Variants in UGT1A7 observed in about 807,000 individuals in gnomAD.
UGT1A7 encodes UDP-glucuronosyltransferase 1A7.
A neutral mutation model predicts 45.6 loss-of-function variants in UGT1A7; 33 were observed. The ratio of observed to expected loss-of-function variants is 0.72; its 90% CI spans 0.55 to 0.97. The LOEUF is 0.97. UGT1A7 is among the 50% of genes least tolerant of loss of function. The probability of loss-of-function intolerance (pLI) is 0.00; values close to 1 mark genes in which losing one functional copy is unlikely to be tolerated. For synonymous variants in UGT1A7, 274 were observed against 250.6 expected (o/e 1.09, Z -0.88); for missense variants, 684 against 666.2 (o/e 1.03, Z -0.29).
rs770529421 is a variant in UGT1A7, at chr2:233,682,444, C to T, written c.507C>T (p.Ala169=). Residue 169 remains alanine (A), a synonymous_variant, in exon 1 of 5, where the codon GCC becomes GCT. Transcript: ENST00000373426. ...TCTCCCTCCCCTCTGTGGTCTTCGC[C>T]AGGGGAATATTTTGCCACTATCTTG... ...KYFSLPSVVF[A]RGIFCHYLEE... is the part of the protein sequence containing the mutation. 4 of 1,613,736 alleles carry T rather than the reference C, an allele frequency of 2.5e-6. No homozygotes were observed. Among genetic ancestry groups the T allele is most frequent in the Non-Finnish European group, 3.4e-6 (4 of 1,179,866 alleles).
rs766714471 is a variant in UGT1A7 at position 233,754,631 on chromosome 2, T to C, written c.856-12403T>C. On this transcript the variant is annotated intron_variant, in intron 1 of 4. Coordinates refer to ENST00000373426, the MANE Select transcript of UGT1A7 (RefSeq NM_019077.3). ...CTCCATCTTCCTCCACTTCCACCCT[T>C]TCTTGGCCATTCTCAATGATTCTCT... The C allele has an allele frequency of 1.3e-4, 58 of 444,366 alleles. 1 individual carries two copies. Among genetic ancestry groups the C allele is most frequent in the South Asian group, 8.9e-4 (56 of 63,060 alleles). The allele number at this position is 444,366 out of a possible 1,614,324, so 27.5% of individuals were successfully genotyped here.
intron 1 of UGT1A7, among the ~76,000 whole-genome samples, chr2:233,720,042 G>T (rs1048137470): frequency 2.0e-5 from 3 of 152,186 alleles, no homozygotes; most frequent in African/African-American, 7.2e-5. Flanking sequence ...CTGATTTTCA[G>T]CTGAACGGTG....
chr2:233,746,165 A>G (rs530256545), intron 1 of UGT1A7, among the ~76,000 whole-genome samples: 2 of 151,990 alleles, frequency 1.3e-5, no homozygotes, highest in South Asian at 4.2e-4. Context: ...CAAAGCCAAA[A>G]TCTTGCCTGT....
chr2:233,747,785 C>T, intron 1 of UGT1A7: 1 of 1,613,494 alleles, frequency 6.2e-7, no homozygotes, highest in Non-Finnish European at 8.5e-7. Context: ...CAAATCCTTC[C>T]TCCTATATTC....
intron 1 of UGT1A7, chr2:233,713,807 C>G: frequency 3.1e-6 from 5 of 1,614,092 alleles, no homozygotes; most frequent in Non-Finnish European, 4.2e-6. Context: ...TCATGCCCAA[C>G]ATGGTCTTCA....
At chr2:233,713,488 C>G (rs758374226) in intron 1 of UGT1A7, 1 of 1,613,948 alleles carries the variant, frequency 6.2e-7, no homozygotes, top group South Asian at 1.1e-5. Context: ...AAGTACCTGT[C>G]GATTCCTGCT....
intron 1 of UGT1A7, among the ~76,000 whole-genome samples, chr2:233,763,609 C>T (rs1698356254): frequency 6.6e-6 from 1 of 152,206 alleles, no homozygotes; most frequent in Non-Finnish European, 1.5e-5. Context: ...TGCCACTCTG[C>T]ACTACCATTC....
chr2:233,722,177 A>G (rs1303891517), intron 1 of UGT1A7: 1 of 157,672 alleles, frequency 6.3e-6, no homozygotes, highest in East Asian at 1.9e-4. Context: ...GACCTTTGCC[A>G]TGTTCGTGCC....
At chr2:233,743,767 G>A (rs374421270) in intron 1 of UGT1A7, 102 of 1,367,178 alleles carry the variant, frequency 7.5e-5, no homozygotes, top group Admixed American at 1.9e-4. Flanking sequence ...CGTAGGCCTC[G>A]GCCACCTGCT....
At chr2:233,693,425 G>C in intron 1 of UGT1A7, 1 of 1,614,078 alleles carries the variant, frequency 6.2e-7, no homozygotes, top group South Asian at 1.1e-5. Flanking sequence ...CTTCTTTAAG[G>C]AGAGCAAGTT....
chr2:233,697,043 T>A (rs2075371432), intron 1 of UGT1A7, among the ~76,000 whole-genome samples: 2 of 152,186 alleles, frequency 1.3e-5, no homozygotes, highest in Non-Finnish European at 2.9e-5. Context: ...TTTTCTTTTT[T>A]TTTGTTGTGT....
At chr2:233,767,287 C>A in intron 2 of UGT1A7, 122 bp downstream of exon 2, 1 of 1,567,668 alleles carries the variant, frequency 6.4e-7, no homozygotes, top group East Asian at 2.3e-5. Flanking sequence ...CTGCCACTTC[C>A]CAACTATTAA....
intron 1 of UGT1A7, chr2:233,712,959 G>A (rs372681148): frequency 6.2e-7 from 1 of 1,612,876 alleles, no homozygotes; most frequent in South Asian, 1.1e-5. Context: ...ACAACGTGGG[G>A]TGGACAGTCA....
At chr2:233,731,444 C>T (rs1406518964) in intron 1 of UGT1A7, among the ~76,000 whole-genome samples, 1 of 152,126 alleles carries the variant, frequency 6.6e-6, no homozygotes, top group Non-Finnish European at 1.5e-5. Flanking sequence ...CAGTCCCCCA[C>T]CCCACAACAG....
intron 1 of UGT1A7, chr2:233,692,130 A>G (rs981265749): frequency 6.6e-6 from 1 of 152,188 alleles, no homozygotes; most frequent in Non-Finnish European, 1.5e-5. Context: ...CATGCCTACT[A>G]TGTATGGAAG....
chr2:233,755,203 A>G, intron 1 of UGT1A7: 1 of 1,097,556 alleles, frequency 9.1e-7, no homozygotes, highest in Non-Finnish European at 1.3e-6. Flanking sequence ...AGCTTGCGGT[A>G]CGCCTTCTTG....
At chr2:233,758,569 A>C (rs1696913404) in intron 1 of UGT1A7, among the ~76,000 whole-genome samples, 2 of 152,222 alleles carry the variant, frequency 1.3e-5, no homozygotes, top group Non-Finnish European at 2.9e-5. Context: ...TGGTCCTAAA[A>C]AATGAAGAGT....
intron 1 of UGT1A7, among the ~76,000 whole-genome samples, chr2:233,695,470 T>C (rs763759412): frequency 6.6e-6 from 1 of 151,968 alleles, no homozygotes; most frequent in Non-Finnish European, 1.5e-5. Context: ...ATTGGCCCTT[T>C]AGATGTTTTT....
chr2:233,709,806 A>G (rs1242938864), intron 1 of UGT1A7, among the ~76,000 whole-genome samples: 1 of 152,186 alleles, frequency 6.6e-6, no homozygotes, highest in African/African-American at 2.4e-5. Context: ...TACATTTCTG[A>G]GTTGTAATGA....
Sources: allele counts gnomAD v4.1 joint callset (sites outside exome capture counted in the v4.1 genomes callset), GRCh38; gene constraint gnomAD v4.1.1; transcripts MANE v1.5; gene names NCBI Gene and HGNC (gene_info 2026-07-23, HGNC 2026-07-21).